SEMA6D: variants seen among roughly 807,000 people sequenced by gnomAD.
SEMA6D encodes semaphorin-6D.
SEMA6D carries 35 observed loss-of-function variants against 106.6 expected under a neutral mutation model. That is an observed-to-expected ratio of 0.33 (90% CI 0.25 to 0.44). The LOEUF is 0.44. Ranked by LOEUF, SEMA6D falls within the 20% of genes least tolerant of loss-of-function variation. SEMA6D has a pLI of 1.00. For synonymous variants in SEMA6D, 499 were observed against 487.7 expected, an observed-to-expected ratio of 1.02 and a Z score of -0.31; for missense variants, 1,185 against 1,345.9, an observed-to-expected ratio of 0.88 and a Z score of 1.87.
At chr15:47,473,929 A>G (rs2042928851) in intron 3 of SEMA6D, among the ~76,000 whole-genome samples, 1 of 152,076 alleles carries the variant, frequency 6.6e-6, no homozygotes, top group South Asian at 2.1e-4. Context: ...GGCAAGAAAA[A>G]AAAAATTGTT....
chr15:47,753,508 G>A (rs1671489672), intron 1 of SEMA6D, among the ~76,000 whole-genome samples: 1 of 152,216 alleles, frequency 6.6e-6, no homozygotes, highest in African/African-American at 2.4e-5. Flanking sequence ...GGTATGTCAA[G>A]ATCAGAGAAG....
chr15:47,534,028 A>G (rs1351367316), intron 3 of SEMA6D, among the ~76,000 whole-genome samples: 1 of 152,206 alleles, frequency 6.6e-6, no homozygotes, highest in Non-Finnish European at 1.5e-5. Flanking sequence ...ATATGAAGCC[A>G]TCACATATGA....
Position 47,418,252 on chromosome 15 carries a change from TG to T in SEMA6D, c.-159+5783del, listed in dbSNP as rs1382492359. Among the ~76,000 whole-genome samples, 4 of 152,036 alleles carry T rather than the reference TG, an allele frequency of 2.6e-5. No homozygotes were observed. The East Asian group carries it at 7.7e-4, about 29-fold the overall frequency. ...GTGCAAAAGCTCTGAGACAAGAGAATGGGTAGTATACTTGAAAATTAGCAGG... is the reference window on the plus strand; with the variant it reads ...GTGCAAAAGCTCTGAGACAAGAGAATGGTAGTATACTTGAAAATTAGCAGG... On this transcript the variant is annotated intron_variant, in intron 2 of 19. Transcript: ENST00000558014.
At chr15:47,639,864 C>G (rs1470807737) in intron 4 of SEMA6D, among the ~76,000 whole-genome samples, 1 of 152,172 alleles carries the variant, frequency 6.6e-6, no homozygotes, top group Non-Finnish European at 1.5e-5. Flanking sequence ...GTCTGAGAAA[C>G]TGTCACAGCC....
intron 1 of SEMA6D, among the ~76,000 whole-genome samples, chr15:47,187,340 T>C (rs1176235986): frequency 2.0e-5 from 3 of 152,182 alleles, no homozygotes; most frequent in Non-Finnish European, 4.4e-5. Flanking sequence ...CATATATTTT[T>C]GAACCAATCT....
rs576606727 is a variant in SEMA6D at position 47,536,192 on chromosome 15, A to G, written c.-86-64673A>G. On this transcript the variant is annotated intron_variant, in intron 3 of 19. Transcript: ENST00000558014. ...ACAATCATTTATGTAGAACTCTTCT[A>G]CATAACCATAAACTCTCTACAGCAA... Among the ~76,000 whole-genome samples the G allele has an allele frequency of 1.4e-3, 212 of 152,340 alleles. 1 individual carries two copies. Among genetic ancestry groups the G allele is most frequent in the Non-Finnish European group, 2.3e-3 (158 of 68,034 alleles).
At chr15:47,215,606 CAT>C (rs1320984410) in intron 1 of SEMA6D, among the ~76,000 whole-genome samples, 5 of 152,194 alleles carry the variant, frequency 3.3e-5, no homozygotes, top group African/African-American at 7.2e-5. Context: ...ATATGAGACA[CAT>C]ATTCATACAT....
chr15:47,567,231 A>G (rs1267376466), intron 3 of SEMA6D, among the ~76,000 whole-genome samples: 5 of 152,210 alleles, frequency 3.3e-5, no homozygotes, highest in Admixed American at 1.3e-4. Context: ...GAGAGAGGTA[A>G]CATGATAAAA....
chr15:47,767,395 A>C lies in SEMA6D; in HGVS notation c.1765+302A>C, dbSNP rs553763501. ...GCTTTCTTCTTTCTCACCTCTTTGC[A>C]TTGTGAATGTTTCTTCTGGTCATCT... On this transcript the variant is annotated intron_variant, in intron 17 of 18. Transcript: ENST00000536845. 1.6e-5 allele frequency: 4 copies of C among 246,332 alleles called. No homozygotes were observed. The East Asian group carries it at 3.0e-4, about 18-fold the overall frequency. The allele number at this position is 246,332 out of a possible 1,614,324, so 15.3% of individuals were successfully genotyped here. A position where few individuals can be genotyped will look rare whatever the true frequency, so the allele number is the denominator to read the frequency against.
At position 47,489,437 on chromosome 15, in the gene SEMA6D, G is replaced by A. The variant is rs903325571; in HGVS notation, c.-87+18892G>A. Among the ~76,000 whole-genome samples the A allele has an allele frequency of 8.5e-5, 13 of 152,206 alleles. No individual in the cohort carries two copies. In the East Asian group the frequency reaches 1.2e-3, roughly 14 times the overall value. On this transcript the variant is annotated intron_variant, in intron 3 of 19. Coordinates refer to the SEMA6D transcript ENST00000558014. ...TTATTCACTCACTCAGATATTTGAC[G>A]AATGTCTATGGAAGTACTCACTATG...
intron 3 of SEMA6D, among the ~76,000 whole-genome samples, chr15:47,482,333 C>T (rs1279211213): frequency 6.6e-6 from 1 of 152,056 alleles, no homozygotes; most frequent in East Asian, 1.9e-4. Context: ...AATGTATGAG[C>T]TGATGAGGCA....
At chr15:47,478,896 G>C (rs1240461765) in intron 3 of SEMA6D, among the ~76,000 whole-genome samples, 1 of 152,134 alleles carries the variant, frequency 6.6e-6, no homozygotes, top group Non-Finnish European at 1.5e-5. Context: ...CATGGAGGCA[G>C]GCAAGAGAGA....
chr15:47,204,306 C>G (rs1894907315), intron 1 of SEMA6D, among the ~76,000 whole-genome samples: 1 of 152,108 alleles, frequency 6.6e-6, no homozygotes, highest in African/African-American at 2.4e-5. Flanking sequence ...TAAATGTCTT[C>G]TGTCTCAAAA....
At chr15:47,590,469 T>C (rs2076418756) in intron 3 of SEMA6D, among the ~76,000 whole-genome samples, 1 of 152,078 alleles carries the variant, frequency 6.6e-6, no homozygotes, top group African/African-American at 2.4e-5. Flanking sequence ...ACATGGCACA[T>C]GTATACCTAT....
intron 3 of SEMA6D, among the ~76,000 whole-genome samples, chr15:47,518,486 T>A (rs776655674): frequency 6.6e-6 from 1 of 152,232 alleles, no homozygotes; most frequent in Non-Finnish European, 1.5e-5. Flanking sequence ...TAGAATGTAC[T>A]TATACCAATC....
intron 4 of SEMA6D, among the ~76,000 whole-genome samples, chr15:47,648,753 T>C (rs1163958548): frequency 6.6e-6 from 1 of 152,328 alleles, no homozygotes; most frequent in East Asian, 1.9e-4. Flanking sequence ...TAAATGTGTG[T>C]ATAGCTCACA....
intron 1 of SEMA6D, among the ~76,000 whole-genome samples, chr15:47,220,875 A>T (rs1013695560): frequency 6.6e-6 from 1 of 152,242 alleles, no homozygotes; most frequent in African/African-American, 2.4e-5. Context: ...GTTCCTTGAA[A>T]AATTGATTTT....
intron 3 of SEMA6D, among the ~76,000 whole-genome samples, chr15:47,557,911 G>A (rs1160442333): frequency 6.6e-6 from 1 of 152,078 alleles, no homozygotes; most frequent in Non-Finnish European, 1.5e-5. Context: ...TAAATTCCTT[G>A]CCATGAAGAG....
chr15:47,603,727 G>A (rs956025543), intron 4 of SEMA6D, among the ~76,000 whole-genome samples: 6 of 151,256 alleles, frequency 4.0e-5, no homozygotes, highest in African/African-American at 7.3e-5. Flanking sequence ...CCTCCCCCTC[G>A]CCCCGATTAT....
Sources: gnomAD v4.1 joint callset for allele counts (sites outside exome capture counted in the v4.1 genomes callset) on GRCh38, gnomAD v4.1.1 for gene constraint, MANE v1.5 for transcripts, NCBI Gene and HGNC (gene_info 2026-07-23, HGNC 2026-07-21) for gene names.